The following MSN variants were observed in gnomAD, a reference collection of about 807,000 sequenced individuals.
The protein encoded by MSN is epididymis luminal protein 70.
Under a neutral mutation model 48.0 loss-of-function variants are expected in MSN, and 2 were observed. That is an observed-to-expected ratio of 0.04 (90% CI 0.02 to 0.13). MSN has a LOEUF of 0.13. MSN is among the 10% of genes least tolerant of loss of function. The pLI is 1.00. For missense variants in MSN, 267 were observed against 470.1 expected, an observed-to-expected ratio of 0.57 and a Z score of 3.99; for synonymous variants, 146 against 166.9, an observed-to-expected ratio of 0.87 and a Z score of 0.97.
At chrX:65,669,094 C>A (rs2070904755) in intron 1 of MSN, among the ~76,000 whole-genome samples, 1 of 111,819 alleles carries the variant, frequency 8.9e-6, no homozygotes, top group African/African-American at 3.3e-5. Context: ...CCTTGTCCTT[C>A]AGAAACACCA....
intron 1 of MSN, among the ~76,000 whole-genome samples, chrX:65,615,700 T>C (rs1203268121): frequency 9.2e-6 from 1 of 108,228 alleles, no homozygotes; most frequent in African/African-American, 3.4e-5. Flanking sequence ...GCAGAAGCTC[T>C]TTAGTTTAAT....
chrX:65,665,842 A>G (rs2070863520), upstream of MSN, among the ~76,000 whole-genome samples: 1 of 111,453 alleles, frequency 9.0e-6, no homozygotes, highest in Non-Finnish European at 1.9e-5. Flanking sequence ...TATACGTAGA[A>G]GCCAGGTGTC....
At chrX:65,709,716 T>C (rs2071396567) in intron 1 of MSN, among the ~76,000 whole-genome samples, 2 of 113,086 alleles carry the variant, frequency 1.8e-5, no homozygotes, top group South Asian at 7.2e-4. Context: ...AGACGCTGGA[T>C]TGGCATGACC....
intron 1 of MSN, among the ~76,000 whole-genome samples, chrX:65,628,590 A>T (rs1339399432): frequency 9.0e-6 from 1 of 111,251 alleles, no homozygotes; most frequent in Non-Finnish European, 1.9e-5. Flanking sequence ...TGCAGTGAAG[A>T]CCTCTGACAT....
intron 1 of MSN, among the ~76,000 whole-genome samples, chrX:65,707,049 C>A (rs1333151433): frequency 5.4e-5 from 6 of 111,522 alleles, no homozygotes. Context: ...TTTGCTGTAG[C>A]TGGGCTACAG....
chrX:65,629,848 C>G (rs899613814), intron 1 of MSN, among the ~76,000 whole-genome samples: 4 of 111,838 alleles, frequency 3.6e-5, no homozygotes, highest in Non-Finnish European at 7.5e-5. Flanking sequence ...GGTGGGGACA[C>G]AGCCAAACCA....
At position 65,717,048 on chromosome X, in the gene MSN, A is replaced by C. The variant is rs1404593525; in HGVS notation, c.96+147A>C. ...AAAATGAAGGCTGATTCCAGACTTA[A>C]TATGAAAGGAGGCAAAGTTAAACTT... On this transcript the variant is annotated intron_variant, in intron 2 of 12. Transcript: ENST00000360270. 4 of 531,621 alleles carry C rather than the reference A, an allele frequency of 7.5e-6. No individual in the cohort carries two copies. In the East Asian group the frequency reaches 1.5e-4, roughly 20 times the overall value. 43.8% of individuals were successfully genotyped at this position (531,621 alleles called of 1,213,427 possible).
chrX:65,589,268 A>G (rs2070124761), intron 1 of MSN, among the ~76,000 whole-genome samples: 1 of 97,166 alleles, frequency 1.0e-5, no homozygotes, highest in Admixed American at 1.3e-4. Context: ...CCCCATTCCT[A>G]TCTTGGCCAT....
intron 1 of MSN, among the ~76,000 whole-genome samples, chrX:65,660,951 CTTTTA>C (rs1174015048): frequency 9.0e-6 from 1 of 110,725 alleles, no homozygotes; most frequent in Non-Finnish European, 1.9e-5. Context: ...ATAGATGGCT[CTTTTA>C]TTTGTTTGTT....
chrX:65,617,727 G>T (rs2070389908), intron 1 of MSN, among the ~76,000 whole-genome samples: 1 of 98,729 alleles, frequency 1.0e-5, no homozygotes, highest in African/African-American at 3.9e-5. Flanking sequence ...TCTGATTTTA[G>T]TTATTTCTTG....
At chrX:65,641,364 T>C (rs2070647949) in intron 1 of MSN, among the ~76,000 whole-genome samples, 1 of 101,853 alleles carries the variant, frequency 9.8e-6, no homozygotes, top group South Asian at 4.7e-4. Context: ...ACCCCGTCTC[T>C]ACTAAAAATA....
chrX:65,600,552 G>A (rs2070226495), intron 1 of MSN: 1 of 112,049 alleles, frequency 8.9e-6, no homozygotes, highest in Admixed American at 9.5e-5. Flanking sequence ...TGTGCTCTGT[G>A]GCATAGCTAC....
chrX:65,688,976 G>T (rs749570444), intron 1 of MSN, among the ~76,000 whole-genome samples: 1 of 112,210 alleles, frequency 8.9e-6, no homozygotes, highest in Non-Finnish European at 1.9e-5. Context: ...CCTAGCTAAT[G>T]TAGAGTCTTG....
chrX:65,697,981 C>T (rs2071262178), intron 1 of MSN, among the ~76,000 whole-genome samples: 1 of 111,733 alleles, frequency 8.9e-6, no homozygotes, highest in African/African-American at 3.3e-5. Flanking sequence ...CTGCAGCTCC[C>T]TCCCCAGTCA....
In MSN at chrX:65,673,603, C is replaced by T. The variant is rs1043092166; in HGVS notation, c.12+5750C>T. Among the ~76,000 whole-genome samples, 4 of 111,358 alleles carry T rather than the reference C, an allele frequency of 3.6e-5. No homozygotes were observed. The Admixed American group carries it at 3.8e-4, about 11-fold the overall frequency. Reference sequence around the variant, plus strand: ...CCGAGTAGCTGGGATTACAGGCATGCGCCACCATGCCCAGCTAATTTTGTA... The same window carrying T: ...CCGAGTAGCTGGGATTACAGGCATGTGCCACCATGCCCAGCTAATTTTGTA... On this transcript the variant is annotated intron_variant, in intron 1 of 12. Coordinates refer to ENST00000360270, the MANE Select transcript of MSN (RefSeq NM_002444.3).
intron 3 of MSN, among the ~76,000 whole-genome samples, chrX:65,728,324 C>G (rs778785711): frequency 8.1e-5 from 9 of 110,994 alleles, no homozygotes; most frequent in African/African-American, 3.0e-4. Flanking sequence ...GACGGAGTCT[C>G]GCACTCTCGC....
chrX:65,731,062 A>G, intron 4 of MSN, 45 bp from the exon 5 acceptor site: 1 of 1,087,617 alleles, frequency 9.2e-7, no homozygotes, highest in Non-Finnish European at 1.3e-6. Flanking sequence ...TCTCCTGCAC[A>G]GGGACTTTGT....
At chrX:65,628,693 TA>T (rs1224767512) in intron 1 of MSN, among the ~76,000 whole-genome samples, 1 of 111,338 alleles carries the variant, frequency 9.0e-6, no homozygotes, top group Non-Finnish European at 1.9e-5. Flanking sequence ...AATTTGTCCT[TA>T]AAAAAAATGT....
rs776333790 is a variant in MSN at position 65,735,044 on chromosome X, A to G, written c.796-223A>G. Among the ~76,000 whole-genome samples, 20 of 112,414 alleles carry G rather than the reference A, an allele frequency of 1.8e-4. 1 individual carries two copies. The East Asian group carries it at 5.0e-3, about 28-fold the overall frequency. On this transcript the variant is annotated intron_variant, in intron 7 of 12. Coordinates refer to ENST00000360270, the MANE Select transcript of MSN (RefSeq NM_002444.3). ...GATTGAAAGAAATTATGGGAAGAACATGGGTTTCAGAGTCAAGAAACCTGG... is the reference window on the plus strand; with the variant it reads ...GATTGAAAGAAATTATGGGAAGAACGTGGGTTTCAGAGTCAAGAAACCTGG...
Sources: allele counts gnomAD v4.1 joint callset (sites outside exome capture counted in the v4.1 genomes callset), GRCh38; gene constraint gnomAD v4.1.1; transcripts MANE v1.5; gene names NCBI Gene and HGNC (gene_info 2026-07-23, HGNC 2026-07-21).